The following ADGB variants were observed in gnomAD, a reference collection of about 807,000 sequenced individuals.
ADGB encodes androglobin, also known as calpain-7-like protein.
A neutral mutation model predicts 210.5 loss-of-function variants in ADGB; 172 were observed. That is an observed-to-expected ratio of 0.82 (90% CI 0.72 to 0.93). The LOEUF (loss-of-function observed/expected upper bound fraction) is 0.93. ADGB is among the 40% of genes least tolerant of loss of function. The pLI is 0.00. For synonymous variants in ADGB, 658 were observed against 662.7 expected (o/e 0.99, Z 0.11); for missense variants, 2,025 against 1,964.8 (o/e 1.03, Z -0.58).
At chr6:146,804,099 C>T (rs1253337693) in intron 35 of ADGB, among the ~76,000 whole-genome samples, 1 of 152,016 alleles carries the variant, frequency 6.6e-6, no homozygotes, top group Admixed American at 6.6e-5. Context: ...AATAGGTGTC[C>T]TTTAATTAGA....
rs192504592 is a variant in ADGB, at chr6:146,781,971, T to G, written c.3863-49T>G. The G allele has an allele frequency of 7.5e-5, 100 of 1,333,406 alleles. No homozygotes were observed. The East Asian group carries it at 2.7e-3, about 37-fold the overall frequency. The allele number at this position is 1,333,406 out of a possible 1,614,324, so 82.6% of individuals were successfully genotyped here. A position where few individuals can be genotyped will look rare whatever the true frequency, so the allele number is the denominator to read the frequency against. ...ATTCCCTTGTCCCCTGTGAAACCAT[T>G]TTATTGTTATATTATGACTCACCAT... On this transcript the variant is annotated intron_variant, in intron 29 of 35. Coordinates refer to ENST00000397944, the MANE Select transcript of ADGB (RefSeq NM_024694.4).
intron 13 of ADGB, among the ~76,000 whole-genome samples, chr6:146,707,682 C>T (rs542289273): frequency 3.3e-5 from 5 of 152,168 alleles, no homozygotes; most frequent in East Asian, 1.9e-4. Context: ...TACATTTGCA[C>T]GGAATATCCT....
At position 146,815,155 on chromosome 6, in the gene ADGB, G is replaced by C; in HGVS notation, c.4942G>C (p.Glu1648Gln). Reference protein sequence around the residue: ...LAAQEAAMKLETEKMTPAPDT... With the variant: ...LAAQEAAMKLQTEKMTPAPDT... Reference sequence around the variant, plus strand: ...TGCTCAGGAAGCAGCCATGAAGCTGGAGACAGAAAAGATGACCCCAGCTCC... The same window carrying C: ...TGCTCAGGAAGCAGCCATGAAGCTGCAGACAGAAAAGATGACCCCAGCTCC... The change falls in exon 36 of 36, where the codon GAG (glutamate) becomes CAG (glutamine). Residue 1648 changes from glutamate (E) to glutamine (Q), a missense_variant. By Grantham distance (29) the Glu-to-Gln change is conservative. Coordinates refer to ENST00000397944, the MANE Select transcript of ADGB (RefSeq NM_024694.4). The C allele has an allele frequency of 6.5e-7, 1 of 1,538,134 alleles. No homozygotes were observed. Among genetic ancestry groups the C allele is most frequent in the Non-Finnish European group, 8.7e-7 (1 of 1,144,208 alleles).
chr6:146,687,887 G>A (rs901021895), intron 10 of ADGB, among the ~76,000 whole-genome samples: 1 of 152,008 alleles, frequency 6.6e-6, no homozygotes, highest in South Asian at 2.1e-4. Context: ...CAGGATAAAA[G>A]CATTACAAAA....
intron 2 of ADGB, chr6:146,639,641 A>G (rs1161905647): frequency 6.6e-6 from 1 of 151,978 alleles, no homozygotes; most frequent in Non-Finnish European, 1.5e-5. Context: ...CTCAGACCAA[A>G]AGCTTTTTCA....
chr6:146,712,525 C>A (rs1010017706), intron 13 of ADGB, among the ~76,000 whole-genome samples: 2 of 152,064 alleles, frequency 1.3e-5, no homozygotes, highest in African/African-American at 4.8e-5. Context: ...TTTGTTTTTA[C>A]ATGAATTGTG....
chr6:146,636,051 C>A (rs1328563054), intron 2 of ADGB, among the ~76,000 whole-genome samples: 1 of 152,010 alleles, frequency 6.6e-6, no homozygotes, highest in African/African-American at 2.4e-5. Flanking sequence ...CATGGCATGT[C>A]CCTGAGATTG....
At chr6:146,789,705 A>G (rs933978699) in intron 33 of ADGB, among the ~76,000 whole-genome samples, 1 of 152,194 alleles carries the variant, frequency 6.6e-6, no homozygotes, top group Non-Finnish European at 1.5e-5. Flanking sequence ...AACACATTTC[A>G]TTTACCATTA....
chr6:146,726,101 C>G lies in ADGB; in HGVS notation c.2256C>G (p.Phe752Leu). 6.5e-7 allele frequency: 1 copy of G among 1,540,236 alleles called. No homozygotes were observed. The change falls in exon 19 of 36, where the codon TTC becomes TTG. Residue 752 changes from phenylalanine to leucine, a missense_variant. Phe to Leu is a conservative substitution (Grantham distance 22). Transcript: ENST00000397944. ...RLPVGRHMLL[F>L]NAYSPVGHSI... ...TCTTTAGGAGACACATGCTACTCTTCAACGCATACTCCCCAGTAGGACACT... is the reference window on the plus strand; with the variant it reads ...TCTTTAGGAGACACATGCTACTCTTGAACGCATACTCCCCAGTAGGACACT...
At chr6:146,719,066 G>T (rs1399427376) in intron 16 of ADGB, among the ~76,000 whole-genome samples, 1 of 152,180 alleles carries the variant, frequency 6.6e-6, no homozygotes, top group African/African-American at 2.4e-5. Context: ...ATGGTTTATA[G>T]ATGTTGCAGG....
At chr6:146,801,497 AAAC>A (rs1246948007) in intron 34 of ADGB, among the ~76,000 whole-genome samples, 1 of 152,188 alleles carries the variant, frequency 6.6e-6, no homozygotes, top group African/African-American at 2.4e-5. Flanking sequence ...ATAAGTTTGA[AAAC>A]ATCATCAAAA....
rs545914010 is a variant in ADGB, at chr6:146,626,271, C to T, written c.75-9104C>T. 9.2e-5 allele frequency among the ~76,000 whole-genome samples: 14 copies of T among 152,016 alleles called. No homozygotes were observed. The East Asian group carries it at 2.3e-3, about 25-fold the overall frequency. On this transcript the variant is annotated intron_variant, in intron 1 of 35. Coordinates refer to ENST00000397944, the MANE Select transcript of ADGB (RefSeq NM_024694.4). Reference sequence around the variant, plus strand: ...TATTATAAACCTCGTATTACATCATCCGTTTATGTAAGCAGTTAATTATAT... The same window carrying T: ...TATTATAAACCTCGTATTACATCATTCGTTTATGTAAGCAGTTAATTATAT...
At chr6:146,666,173 G>A (rs957506299) in intron 6 of ADGB, among the ~76,000 whole-genome samples, 21 of 151,960 alleles carry the variant, frequency 1.4e-4, no homozygotes, top group Admixed American at 1.3e-4. Context: ...CGTGACTCCC[G>A]GGCAGAAGGG....
chr6:146,731,204 G>A (rs1776980322), intron 20 of ADGB, among the ~76,000 whole-genome samples: 1 of 152,120 alleles, frequency 6.6e-6, no homozygotes, highest in Non-Finnish European at 1.5e-5. Flanking sequence ...CCTACAGCAT[G>A]AGAGTAATAT....
At chr6:146,720,621 T>C (rs1306049617) in intron 16 of ADGB, among the ~76,000 whole-genome samples, 1 of 152,092 alleles carries the variant, frequency 6.6e-6, no homozygotes, top group African/African-American at 2.4e-5. Context: ...TGACTCACAG[T>C]TCCACAGGCT....
intron 13 of ADGB, among the ~76,000 whole-genome samples, chr6:146,703,878 T>C (rs76741058): frequency 2.7e-5 from 4 of 148,760 alleles, no homozygotes; most frequent in Non-Finnish European, 1.5e-5. Flanking sequence ...TTTTTTTTTT[T>C]CAACCTCCAT....
chr6:146,772,253 A>G (rs544129488), intron 29 of ADGB, among the ~76,000 whole-genome samples: 138 of 152,110 alleles, frequency 9.1e-4, no homozygotes, highest in Non-Finnish European at 1.7e-3. Context: ...ATGAAGAGGT[A>G]TTTGTGAAAA....
chr6:146,772,294 C>G (rs1168843887), intron 29 of ADGB, among the ~76,000 whole-genome samples: 3 of 151,594 alleles, frequency 2.0e-5, no homozygotes, highest in Non-Finnish European at 4.4e-5. Context: ...AAAATAGCAT[C>G]ACATAGTACA....
intron 27 of ADGB, among the ~76,000 whole-genome samples, chr6:146,759,411 G>A (rs1434176818): frequency 6.6e-6 from 1 of 151,372 alleles, no homozygotes; most frequent in African/African-American, 2.4e-5. Flanking sequence ...TGAATATTTT[G>A]TAAAATTTCT....
Sources: gnomAD v4.1 joint callset for allele counts (sites outside exome capture counted in the v4.1 genomes callset) on GRCh38, gnomAD v4.1.1 for gene constraint, MANE v1.5 for transcripts, NCBI Gene and HGNC (gene_info 2026-07-23, HGNC 2026-07-21) for gene names.